DOCK1: variants seen among roughly 807,000 people sequenced by gnomAD.
DOCK1 encodes dedicator of cytokinesis 1, also known as dedicator of cytokinesis protein 1.
DOCK1 carries 138 observed loss-of-function variants against 262.7 expected under a neutral mutation model. The ratio of observed to expected loss-of-function variants is 0.53; its 90% CI spans 0.46 to 0.61. The LOEUF (loss-of-function observed/expected upper bound fraction) is 0.61. DOCK1 is among the 20% of genes least tolerant of loss of function. The pLI, the probability that DOCK1 is intolerant of heterozygous loss-of-function variation, is 0.00. For missense variants in DOCK1, 1,908 were observed against 2,370.7 expected (o/e 0.80, Z 4.05); for synonymous variants, 866 against 867.4 (o/e 1.00, Z 0.03).
At position 127,452,325 on chromosome 10, in the gene DOCK1, C is replaced by G. The variant is rs1367821321; in HGVS notation, c.*898C>G. The G allele has an allele frequency of 6.6e-6, 1 of 151,402 alleles. No homozygotes were observed. The highest frequency in any genetic ancestry group is 1.5e-5 in the Non-Finnish European group (1 of 67,814). 9.4% of individuals were successfully genotyped at this position (151,402 alleles called of 1,614,324 possible). Reference sequence around the variant, plus strand: ...GTTAAAACACACACACACACACACACACATTTTTTTTTTGAGAACTCCAAA... The same window carrying G: ...GTTAAAACACACACACACACACACAGACATTTTTTTTTTGAGAACTCCAAA... On this transcript the variant is annotated 3_prime_UTR_variant, in exon 52 of 52. Coordinates refer to ENST00000623213, the MANE Select transcript of DOCK1 (RefSeq NM_001290223.2).
chr10:127,407,544 C>A (rs182874634), intron 40 of DOCK1, among the ~76,000 whole-genome samples: 33 of 152,328 alleles, frequency 2.2e-4, no homozygotes, highest in Middle Eastern at 3.4e-3. Context: ...GATTCAGTGT[C>A]ATAGAATCTC....
chr10:126,911,750 G>A (rs1172351138), intron 1 of DOCK1, among the ~76,000 whole-genome samples: 1 of 152,162 alleles, frequency 6.6e-6, no homozygotes, highest in Admixed American at 6.5e-5. Flanking sequence ...CTGAGGTTGG[G>A]CTGATGGGAG....
rs771828391 is a variant in DOCK1 at position 127,024,731 on chromosome 10, A to C, written c.1499A>C (p.Lys500Thr). 3.1e-6 allele frequency: 5 copies of C among 1,612,764 alleles called. No homozygotes were observed. The highest frequency in any genetic ancestry group is 4.2e-6 in the Non-Finnish European group (5 of 1,179,522). ...GGTGATGAAGCGATTTCAGAGTACA[A>C]ATCTGTGATTTACTACCAAGTAAAG... ...GAGDEAISEY[K>T]SVIYYQVKQP... Residue 500 changes from lysine to threonine, a missense_variant, in exon 15 of 52, where the codon AAA becomes ACA. Lys to Thr is a moderately conservative substitution (Grantham distance 78, BLOSUM62 -1). Coordinates refer to ENST00000623213, the MANE Select transcript of DOCK1 (RefSeq NM_001290223.2).
intron 29 of DOCK1, among the ~76,000 whole-genome samples, chr10:127,284,980 T>A (rs533513210): frequency 3.2e-4 from 48 of 151,756 alleles, no homozygotes; most frequent in Middle Eastern, 3.4e-3. Context: ...AAAAAAAAAA[T>A]TTAAAAATTA....
chr10:127,202,883 G>A (rs1200888692), intron 27 of DOCK1, among the ~76,000 whole-genome samples: 1 of 152,194 alleles, frequency 6.6e-6, no homozygotes, highest in African/African-American at 2.4e-5. Flanking sequence ...TGCAACCAGA[G>A]GACAGATTCT....
intron 33 of DOCK1, among the ~76,000 whole-genome samples, chr10:127,362,894 CACACATGTACATCTCCACACACACAT>C (rs1565026797): frequency 5.3e-4 from 3 of 5,684 alleles, no homozygotes; most frequent in African/African-American, 1.7e-3. Context: ...CCCACACACA[CACACATGTACATCTCCACACACACAT>C]ATACACATGC....
intron 29 of DOCK1, among the ~76,000 whole-genome samples, chr10:127,321,741 A>G (rs1378999856): frequency 7.1e-6 from 1 of 141,696 alleles, no homozygotes; most frequent in Non-Finnish European, 1.5e-5. Context: ...TGCTAAATTT[A>G]CTTTGTCACC....
chr10:127,352,036 C>G (rs1353325545), intron 31 of DOCK1, among the ~76,000 whole-genome samples: 3 of 151,308 alleles, frequency 2.0e-5, no homozygotes, highest in South Asian at 4.2e-4. Flanking sequence ...CCCCAGTTCT[C>G]AAATACTACC....
intron 27 of DOCK1, among the ~76,000 whole-genome samples, chr10:127,157,834 A>G (rs1002350209): frequency 6.6e-6 from 1 of 152,238 alleles, no homozygotes; most frequent in Admixed American, 6.5e-5. Context: ...TTTGGAGTCC[A>G]TGAATGTCAG....
intron 33 of DOCK1, among the ~76,000 whole-genome samples, chr10:127,363,668 GT>G (rs2064723313): frequency 6.6e-6 from 1 of 152,124 alleles, no homozygotes; most frequent in South Asian, 2.1e-4. Flanking sequence ...CACCTCTACA[GT>G]TTATCATTTA....
chr10:127,118,637 G>T (rs1592095955), intron 25 of DOCK1, among the ~76,000 whole-genome samples: 1 of 152,128 alleles, frequency 6.6e-6, no homozygotes, highest in South Asian at 2.1e-4. Flanking sequence ...CCTTTTACTT[G>T]CTCTGTCACC....
chr10:127,103,282 C>T (rs186063014), intron 23 of DOCK1, among the ~76,000 whole-genome samples: 277 of 152,272 alleles, frequency 1.8e-3, no homozygotes, highest in Non-Finnish European at 2.8e-3. Context: ...GTCCCATGTA[C>T]GTGCCAAGTC....
At chr10:127,378,121 C>T (rs1448173349) in intron 35 of DOCK1, among the ~76,000 whole-genome samples, 3 of 152,164 alleles carry the variant, frequency 2.0e-5, no homozygotes, top group Non-Finnish European at 4.4e-5. Context: ...TGCTTCTGTG[C>T]AGTCATCCAC....
At chr10:127,168,259 T>A (rs2054258163) in intron 27 of DOCK1, among the ~76,000 whole-genome samples, 1 of 152,214 alleles carries the variant, frequency 6.6e-6, no homozygotes, top group African/African-American at 2.4e-5. Context: ...TGGAATGATT[T>A]AAAATGTTTT....
In DOCK1 at chr10:127,004,295, G is replaced by T. The variant is rs1046665906; in HGVS notation, c.985+3988G>T. Among the ~76,000 whole-genome samples, 3 of 151,866 alleles carry T rather than the reference G, an allele frequency of 2.0e-5. No individual in the cohort carries two copies. The South Asian group carries it at 6.2e-4, about 32-fold the overall frequency. The stretch of plus-strand genomic sequence containing the variant: ...ACAAAACAAAAGTAAGGACCTGATC[G>T]TTCTGCTTGTGGAGTTTCCAGTTTC... On this transcript the variant is annotated intron_variant, in intron 10 of 51. Transcript: ENST00000623213.
At chr10:126,984,507 C>A (rs1255126530) in intron 4 of DOCK1, among the ~76,000 whole-genome samples, 1 of 151,428 alleles carries the variant, frequency 6.6e-6, no homozygotes, top group African/African-American at 2.4e-5. Context: ...CCACCATGCC[C>A]AGCTAATTTT....
At chr10:127,305,964 G>A (rs889022724) in intron 29 of DOCK1, among the ~76,000 whole-genome samples, 33 of 151,734 alleles carry the variant, frequency 2.2e-4, no homozygotes, top group African/African-American at 7.3e-4. Flanking sequence ...ATTAGAGGCT[G>A]AGGGTTTTAT....
intron 27 of DOCK1, among the ~76,000 whole-genome samples, chr10:127,239,892 C>G (rs906405837): frequency 2.6e-5 from 4 of 152,050 alleles, no homozygotes; most frequent in African/African-American, 9.7e-5. Context: ...ACACCATAAA[C>G]TATAATTTTG....
At chr10:126,930,156 G>A (rs1387890668) in intron 1 of DOCK1, among the ~76,000 whole-genome samples, 1 of 152,232 alleles carries the variant, frequency 6.6e-6, no homozygotes, top group Non-Finnish European at 1.5e-5. Context: ...TGGTGGAATA[G>A]CATTCTGCTG....
Sources: gnomAD v4.1 joint callset for allele counts (sites outside exome capture counted in the v4.1 genomes callset) on GRCh38, gnomAD v4.1.1 for gene constraint, MANE v1.5 for transcripts, NCBI Gene and HGNC (gene_info 2026-07-23, HGNC 2026-07-21) for gene names.